TAFA5: variants seen among roughly 807,000 people sequenced by gnomAD.
TAFA5 encodes chemokine-like protein TAFA-5.
In TAFA5, 6 loss-of-function variants were observed where a neutral mutation model predicts 15.3. The ratio of observed to expected loss-of-function variants is 0.39; its 90% CI spans 0.21 to 0.77. The LOEUF is 0.77. TAFA5 is among the 30% of genes least tolerant of loss of function. The pLI, the probability that TAFA5 is intolerant of heterozygous loss-of-function variation, is 0.41. For missense variants in TAFA5, 161 were observed against 193.1 expected (o/e 0.83, Z 0.98); for synonymous variants, 103 against 80.7 (o/e 1.28, Z -1.48).
chr22:48,655,502 G>A (rs1445257533), intron 2 of TAFA5, among the ~76,000 whole-genome samples: 1 of 152,180 alleles, frequency 6.6e-6, no homozygotes, highest in African/African-American at 2.4e-5. Context: ...CTCACGTGGT[G>A]GAAGGTGGAA....
chr22:48,734,429 C>A (rs2147268995), intron 3 of TAFA5, among the ~76,000 whole-genome samples: 1 of 152,376 alleles, frequency 6.6e-6, no homozygotes, highest in Non-Finnish European at 1.5e-5. Flanking sequence ...GAGTGTAATT[C>A]AGTCTCGGGC....
chr22:48,634,640 C>A (rs1356565438), intron 1 of TAFA5, among the ~76,000 whole-genome samples: 1 of 151,814 alleles, frequency 6.6e-6, no homozygotes, highest in Non-Finnish European at 1.5e-5. Context: ...CGGTCATTTA[C>A]TCAGTCATTC....
At chr22:48,557,215 A>T (rs1923071757) in intron 1 of TAFA5, among the ~76,000 whole-genome samples, 1 of 152,138 alleles carries the variant, frequency 6.6e-6, no homozygotes, top group South Asian at 2.1e-4. Flanking sequence ...AGGTTCTTTA[A>T]AGAGGTGATT....
intron 2 of TAFA5, chr22:48,693,211 C>A: frequency 7.3e-7 from 1 of 1,374,656 alleles, no homozygotes; most frequent in South Asian, 1.3e-5. Flanking sequence ...CGGGGCCTCA[C>A]TCGTCCTCAG....
chr22:48,635,535 A>G (rs1926414642), intron 1 of TAFA5, among the ~76,000 whole-genome samples: 1 of 152,162 alleles, frequency 6.6e-6, no homozygotes, highest in African/African-American at 2.4e-5. Context: ...AGCGCATTTC[A>G]GGGGCTCTTG....
chr22:48,507,796 C>G (rs559362411), intron 1 of TAFA5, among the ~76,000 whole-genome samples: 109 of 152,276 alleles, frequency 7.2e-4, no homozygotes, highest in African/African-American at 2.6e-3. Flanking sequence ...TGCCTGGGAG[C>G]TGTCGGGATG....
chr22:48,710,335 G>A (rs1205361318), intron 3 of TAFA5, among the ~76,000 whole-genome samples: 1 of 152,154 alleles, frequency 6.6e-6, no homozygotes, highest in Non-Finnish European at 1.5e-5. Flanking sequence ...GCTTCATGGT[G>A]TTTTCCTTCA....
At chr22:48,688,442 A>G (rs1038186645) in intron 2 of TAFA5, among the ~76,000 whole-genome samples, 1 of 152,248 alleles carries the variant, frequency 6.6e-6, no homozygotes, top group African/African-American at 2.4e-5. Flanking sequence ...GGACCAGAGC[A>G]CGCTGCCCTT....
At chr22:48,521,934 G>A (rs539485362) in intron 1 of TAFA5, among the ~76,000 whole-genome samples, 6 of 152,252 alleles carry the variant, frequency 3.9e-5, no homozygotes, top group Admixed American at 6.5e-5. Context: ...GACCAAACTC[G>A]GGGAGGGGCT....
chr22:48,744,923 C>G (rs12106542), intron 3 of TAFA5, among the ~76,000 whole-genome samples: 32,272 of 151,780 alleles, frequency 0.21, 3,710 homozygotes, highest in African/African-American at 0.28. Context: ...CCATGGCCTG[C>G]TTTTGTACTT....
At position 48,724,187 on chromosome 22, in the gene TAFA5, G is replaced by A. The variant is rs73439890; in HGVS notation, c.390+16343G>A. 8.4e-3 allele frequency among the ~76,000 whole-genome samples: 1,271 copies of A among 152,154 alleles called. 21 individuals carry two copies. The highest frequency in any genetic ancestry group is 0.029 in the African/African-American group (1,195 of 41,502). On this transcript the variant is annotated intron_variant, in intron 3 of 3. Transcript: ENST00000402357. ...CAAGCAGGAGAGACTCGGGGTTCTCGTTGCATTGCTGCAGCAGGAGAGACT... is the reference window on the plus strand; with the variant it reads ...CAAGCAGGAGAGACTCGGGGTTCTCATTGCATTGCTGCAGCAGGAGAGACT...
At chr22:48,668,716 A>G (rs1159128622) in intron 2 of TAFA5, among the ~76,000 whole-genome samples, 24 of 47,076 alleles carry the variant, frequency 5.1e-4, no homozygotes, top group Admixed American at 6.2e-4. Flanking sequence ...TTCACTGGAA[A>G]CTGTAGTCCC....
At chr22:48,613,179 C>G (rs948632563) in intron 1 of TAFA5, among the ~76,000 whole-genome samples, 1 of 152,196 alleles carries the variant, frequency 6.6e-6, no homozygotes, top group African/African-American at 2.4e-5. Context: ...AGGGAGCACT[C>G]ACGGCTGTTC....
rs575404900 is a variant in TAFA5 at position 48,675,639 on chromosome 22, G to A, written c.262+28893G>A. Among the ~76,000 whole-genome samples the A allele has an allele frequency of 4.6e-4, 70 of 152,382 alleles. 1 individual carries two copies. Among genetic ancestry groups the A allele is most frequent in the Admixed American group, 2.5e-3 (39 of 15,314 alleles). On this transcript the variant is annotated intron_variant, in intron 2 of 3. Transcript: ENST00000402357. The stretch of plus-strand genomic sequence containing the variant: ...GGAGAAGACCTAGGAGGCATGTGCC[G>A]AGGTTGCTCTGACACCACTGGGTGC...
At chr22:48,592,957 T>C (rs1400034312) in intron 1 of TAFA5, among the ~76,000 whole-genome samples, 1 of 152,020 alleles carries the variant, frequency 6.6e-6, no homozygotes, top group Non-Finnish European at 1.5e-5. Context: ...GGTGGACCTG[T>C]CTGTGGGGTT....
Position 48,681,072 on chromosome 22 carries a change from G to C in TAFA5, c.263-26645G>C, listed in dbSNP as rs185730530. Among the ~76,000 whole-genome samples, 6 of 152,342 alleles carry C rather than the reference G, an allele frequency of 3.9e-5. No homozygotes were observed. In the East Asian group the frequency reaches 1.2e-3, roughly 29 times the overall value. ...CCCTACCTGTCAGATTCAGTGGATT[G>C]CTCAGAATATTAGTGGATCCTGGAA... On this transcript the variant is annotated intron_variant, in intron 2 of 3. Transcript: ENST00000402357.
chr22:48,634,227 TTCAC>T (rs2147192071), intron 1 of TAFA5, among the ~76,000 whole-genome samples: 1 of 151,612 alleles, frequency 6.6e-6, no homozygotes, highest in African/African-American at 2.4e-5. Context: ...AACTCACTTA[TTCAC>T]TCATTCACTC....
intron 1 of TAFA5, among the ~76,000 whole-genome samples, chr22:48,565,630 C>T (rs1048055661): frequency 1.3e-5 from 2 of 152,220 alleles, no homozygotes; most frequent in African/African-American, 4.8e-5. Flanking sequence ...TCTGGACATC[C>T]ACCTACCACG....
At chr22:48,546,554 G>T (rs1418924136) in intron 1 of TAFA5, 1 of 471,080 alleles carries the variant, frequency 2.1e-6, no homozygotes, top group African/African-American at 2.0e-5. Context: ...AGATACGGAT[G>T]ATGTGGACTG....
Sources: gnomAD v4.1 joint callset for allele counts (sites outside exome capture counted in the v4.1 genomes callset) on GRCh38, gnomAD v4.1.1 for gene constraint, MANE v1.5 for transcripts, NCBI Gene and HGNC (gene_info 2026-07-23, HGNC 2026-07-21) for gene names.